PDZD2: variants seen among roughly 807,000 people sequenced by gnomAD.
The protein encoded by PDZD2 is PDZ domain containing 2, also known as PDZ domain-containing protein 2.
In PDZD2, 90 loss-of-function variants were observed where a neutral mutation model predicts 220.7. The observed-to-expected ratio is 0.41, with a 90% CI of 0.34 to 0.49. PDZD2 has a LOEUF of 0.49. Ranked by LOEUF, PDZD2 falls within the 20% of genes least tolerant of loss-of-function variation. The probability of loss-of-function intolerance (pLI) is 0.28; values close to 1 mark genes in which losing one functional copy is unlikely to be tolerated. For synonymous variants in PDZD2, 1,375 were observed against 1,450.5 expected (o/e 0.95, Z 1.18); for missense variants, 3,174 against 3,608.5 (o/e 0.88, Z 3.08).
intron 15 of PDZD2, among the ~76,000 whole-genome samples, chr5:32,070,531 C>T (rs1443218528): frequency 3.3e-5 from 5 of 152,188 alleles, no homozygotes; most frequent in South Asian, 4.1e-4. Context: ...TGCTTCATGG[C>T]ATATAGTTTA....
At chr5:32,095,720 CTTT>C (rs375848265) in intron 21 of PDZD2, among the ~76,000 whole-genome samples, 10 of 126,988 alleles carry the variant, frequency 7.9e-5, no homozygotes, top group Admixed American at 1.6e-4. Flanking sequence ...GCCTCATTTT[CTTT>C]TTTTTTTTCC....
chr5:32,002,215 C>G (rs1752186774), intron 5 of PDZD2, among the ~76,000 whole-genome samples: 1 of 152,154 alleles, frequency 6.6e-6, no homozygotes, highest in South Asian at 2.1e-4. Context: ...CAAAGAGAAT[C>G]TATCTACAGA....
At chr5:31,818,163 G>T (rs368020710) in intron 2 of PDZD2, among the ~76,000 whole-genome samples, 2 of 151,672 alleles carry the variant, frequency 1.3e-5, no homozygotes, top group African/African-American at 4.8e-5. Context: ...TTAGAGATGG[G>T]GTTTCGCTAT....
At chr5:31,727,417 G>A (rs1361009023) in intron 1 of PDZD2, among the ~76,000 whole-genome samples, 2 of 152,116 alleles carry the variant, frequency 1.3e-5, no homozygotes, top group Admixed American at 1.3e-4. Flanking sequence ...CTTGCTATAA[G>A]GTCACATGGC....
At chr5:32,024,703 A>ATGAAAG (rs558332850) in intron 6 of PDZD2, among the ~76,000 whole-genome samples, 2 of 140,236 alleles carry the variant, frequency 1.4e-5, no homozygotes, top group Non-Finnish European at 3.1e-5. Context: ...AGAAAGAAAA[A>ATGAAAG]AAAGAAAAGG....
intron 1 of PDZD2, among the ~76,000 whole-genome samples, chr5:31,722,876 A>T (rs1173588325): frequency 6.6e-6 from 1 of 152,114 alleles, no homozygotes; most frequent in Non-Finnish European, 1.5e-5. Flanking sequence ...TTTAGTAGGG[A>T]TGGGTTTCAC....
intron 21 of PDZD2, among the ~76,000 whole-genome samples, chr5:32,093,585 T>C (rs1431128255): frequency 2.0e-5 from 3 of 152,228 alleles, no homozygotes; most frequent in Non-Finnish European, 4.4e-5. Context: ...ACCTTACTGA[T>C]AACATAAACA....
Position 31,669,265 on chromosome 5 carries a change from A to T in PDZD2, c.-361+29828A>T, listed in dbSNP as rs143893215. Among the ~76,000 whole-genome samples the T allele has an allele frequency of 1.5e-3, 231 of 152,128 alleles. 4 individuals are homozygous for T. The East Asian group carries it at 0.032, about 21-fold the overall frequency. ...AAAATTTTAAAAATTAGGCAGGGGTAGTTGCATGCATCTGTAGTCCCAGCC... is the reference window on the plus strand; with the variant it reads ...AAAATTTTAAAAATTAGGCAGGGGTTGTTGCATGCATCTGTAGTCCCAGCC... On this transcript the variant is annotated intron_variant, in intron 1 of 24. Coordinates refer to ENST00000438447, the MANE Select transcript of PDZD2 (RefSeq NM_178140.4).
intron 1 of PDZD2, among the ~76,000 whole-genome samples, chr5:31,780,223 A>G (rs1467934426): frequency 6.6e-6 from 1 of 152,082 alleles, no homozygotes; most frequent in Admixed American, 6.5e-5. Context: ...AGGCGGCAGG[A>G]AAAGTCAAGC....
At chr5:31,975,792 A>ATTTTTTTTT (rs1561237947) in intron 2 of PDZD2, among the ~76,000 whole-genome samples, 1 of 61,404 alleles carries the variant, frequency 1.6e-5, no homozygotes, top group African/African-American at 6.4e-5. Context: ...GGTATCAGTC[A>ATTTTTTTTT]CTTTTTTTTT....
At chr5:31,749,199 G>A (rs957232217) in intron 1 of PDZD2, among the ~76,000 whole-genome samples, 3 of 152,174 alleles carry the variant, frequency 2.0e-5, no homozygotes, top group Admixed American at 1.3e-4. Flanking sequence ...CATTGAACAT[G>A]CCTTGAGAGG....
At chr5:31,771,560 C>T (rs1203615504) in intron 1 of PDZD2, among the ~76,000 whole-genome samples, 1 of 152,106 alleles carries the variant, frequency 6.6e-6, no homozygotes, top group African/African-American at 2.4e-5. Context: ...TTGGATTGGC[C>T]AGGGTCCAGG....
chr5:32,022,186 TTTTTTTG>T (rs1754257214), intron 6 of PDZD2, among the ~76,000 whole-genome samples: 3 of 31,546 alleles, frequency 9.5e-5, no homozygotes, highest in African/African-American at 2.6e-4. Context: ...TGTTTTTTTG[TTTTTTTG>T]TTTTTTGTTT....
rs1271570060 is a variant in PDZD2, at chr5:32,076,308, AACAAAT to A, written c.3538-1153_3538-1148del. On this transcript the variant is annotated intron_variant, in intron 18 of 24. Transcript: ENST00000438447. ...CTCAAGAAAAAAAAAAAAAAAAAAAAACAAATCACAAGTTTTGGATAACTGTATAAA... is the reference window on the plus strand; with the variant it reads ...CTCAAGAAAAAAAAAAAAAAAAAAAACACAAGTTTTGGATAACTGTATAAA... Among the ~76,000 whole-genome samples, 4 of 148,226 alleles carry A rather than the reference AACAAAT, an allele frequency of 2.7e-5. No individual in the cohort carries two copies. In the Admixed American group the frequency reaches 2.7e-4, roughly 10 times the overall value.
At chr5:32,075,486 A>G (rs1441553589) in intron 18 of PDZD2, among the ~76,000 whole-genome samples, 1 of 152,128 alleles carries the variant, frequency 6.6e-6, no homozygotes, top group Non-Finnish European at 1.5e-5. Flanking sequence ...AATTATAGCC[A>G]CTCATAACCT....
intron 2 of PDZD2, among the ~76,000 whole-genome samples, chr5:31,870,974 A>C (rs181892876): frequency 6.6e-6 from 1 of 152,302 alleles, no homozygotes; most frequent in Admixed American, 6.5e-5. Flanking sequence ...GGAAAACTCA[A>C]AATGTAGCTG....
intron 24 of PDZD2, among the ~76,000 whole-genome samples, chr5:32,104,822 A>G (rs1424053063): frequency 6.6e-6 from 1 of 151,234 alleles, no homozygotes; most frequent in East Asian, 1.9e-4. Context: ...TTTACAATAT[A>G]TTTAATAAAC....
intron 3 of PDZD2, among the ~76,000 whole-genome samples, chr5:31,990,474 A>C (rs972883019): frequency 8.5e-5 from 13 of 152,216 alleles, no homozygotes; most frequent in African/African-American, 2.9e-4. Context: ...AAAAGAAAAC[A>C]AATGCCCAAA....
intron 1 of PDZD2, among the ~76,000 whole-genome samples, chr5:31,705,175 TACACACAC>T (rs755393785): frequency 3.6e-5 from 3 of 84,176 alleles, no homozygotes; most frequent in South Asian, 4.1e-4. Flanking sequence ...AATACATGTA[TACACACAC>T]ACACACACAC....
Sources: gnomAD v4.1 joint callset for allele counts (sites outside exome capture counted in the v4.1 genomes callset) on GRCh38, gnomAD v4.1.1 for gene constraint, MANE v1.5 for transcripts, NCBI Gene and HGNC (gene_info 2026-07-23, HGNC 2026-07-21) for gene names.